The following DAB2IP variants were observed in gnomAD, a reference collection of about 807,000 sequenced individuals.
The protein encoded by DAB2IP is DAB2 interacting protein.
A neutral mutation model predicts 107.2 loss-of-function variants in DAB2IP; 28 were observed. That is an observed-to-expected ratio of 0.26 (90% CI 0.19 to 0.36). The LOEUF (loss-of-function observed/expected upper bound fraction) is 0.36. Among genes scored for constraint, DAB2IP ranks in the 10% least tolerant of loss-of-function variants. The probability of loss-of-function intolerance (pLI) is 1.00; values close to 1 mark genes in which losing one functional copy is unlikely to be tolerated. For missense variants in DAB2IP, 1,400 were observed against 1,644.7 expected, an observed-to-expected ratio of 0.85 and a Z score of 2.57; for synonymous variants, 755 against 706.4, an observed-to-expected ratio of 1.07 and a Z score of -1.09.
intron 3 of DAB2IP, among the ~76,000 whole-genome samples, chr9:121,709,612 G>T (rs1374200824): frequency 6.6e-6 from 1 of 152,150 alleles, no homozygotes; most frequent in Non-Finnish European, 1.5e-5. Context: ...TATTATGTAA[G>T]GCCCCCTGTC....
intron 1 of DAB2IP, among the ~76,000 whole-genome samples, chr9:121,660,661 G>A (rs978030742): frequency 6.6e-6 from 1 of 152,188 alleles, no homozygotes; most frequent in African/African-American, 2.4e-5. Flanking sequence ...AGGACTGTAA[G>A]GGCATTGCAG....
In DAB2IP at chr9:121,748,737, A is replaced by G. The variant is rs556742170; in HGVS notation, c.363-8276A>G. On this transcript the variant is annotated intron_variant, in intron 3 of 15. Transcript: ENST00000408936. The stretch of plus-strand genomic sequence containing the variant: ...ACAGTGTCATTCATTTAGTCAGCCT[A>G]TATTGGGCACCACGGGACACCAGGC... Among the ~76,000 whole-genome samples, 7 of 152,316 alleles carry G rather than the reference A, an allele frequency of 4.6e-5. No homozygotes were observed. In the East Asian group the frequency reaches 9.7e-4, roughly 21 times the overall value.
At position 121,662,641 on chromosome 9, in the gene DAB2IP, C is replaced by A. The variant is rs144763150; in HGVS notation, c.124+10742C>A. On this transcript the variant is annotated intron_variant, in intron 1 of 15. Coordinates refer to ENST00000408936, the Ensembl canonical transcript of DAB2IP. This position sits in a 1 kb window ranked among gnomAD's most constrained non-coding sequence, Gnocchi z 4.6. ...AAGTTTGCTGACGCCCAAGATACAG[C>A]TAAAGCCACCTACTCTCTCTCCAGG... is the stretch of plus-strand genomic sequence containing the variant. 6.6e-6 allele frequency among the ~76,000 whole-genome samples: 1 copy of A among 152,348 alleles called. No individual in the cohort carries two copies. The highest frequency in any genetic ancestry group is 1.5e-5 in the Non-Finnish European group (1 of 68,034).
intron 1 of DAB2IP, among the ~76,000 whole-genome samples, chr9:121,575,574 C>T (rs991721074): frequency 2.0e-5 from 3 of 152,134 alleles, no homozygotes; most frequent in Non-Finnish European, 4.4e-5. Context: ...AGTAATGTGG[C>T]CTGACTCATG....
At chr9:121,727,333 T>C (rs1437344273) in intron 3 of DAB2IP, among the ~76,000 whole-genome samples, 1 of 152,266 alleles carries the variant, frequency 6.6e-6, no homozygotes, top group Non-Finnish European at 1.5e-5. Flanking sequence ...TTTCCCTCTC[T>C]GTCAAATGGG....
At chr9:121,631,507 A>G (rs1032219271) in intron 1 of DAB2IP, among the ~76,000 whole-genome samples, 11 of 152,048 alleles carry the variant, frequency 7.2e-5, no homozygotes, top group African/African-American at 2.7e-4. Context: ...TGGGAATGGA[A>G]GTCCTGAATG....
chr9:121,711,737 C>A lies in DAB2IP; in HGVS notation c.362+12279C>A, dbSNP rs1830344277. ...AAAAGTCATCCTAGGTCCTCAATAT[C>A]ATTCCTCAAAGCAGCTACCAGCTCT... On this transcript the variant is annotated intron_variant, in intron 3 of 15. Coordinates refer to ENST00000408936, the Ensembl canonical transcript of DAB2IP. 2.6e-5 allele frequency among the ~76,000 whole-genome samples: 4 copies of A among 152,316 alleles called. No individual in the cohort carries two copies. The South Asian group carries it at 8.3e-4, about 32-fold the overall frequency.
intron 10 of DAB2IP, among the ~76,000 whole-genome samples, chr9:121,769,428 T>G (rs1834536453): frequency 1.3e-5 from 2 of 152,350 alleles, no homozygotes; most frequent in South Asian, 4.1e-4. Context: ...AGCAAGAACA[T>G]ACTGTGTATG....
At chr9:121,680,885 G>C (rs1828560620) in intron 2 of DAB2IP, among the ~76,000 whole-genome samples, 1 of 151,940 alleles carries the variant, frequency 6.6e-6, no homozygotes, top group Admixed American at 6.6e-5. Flanking sequence ...TGGGATTACA[G>C]GAGCCTGCCA....
At chr9:121,765,750 A>C (rs1215194913) in intron 8 of DAB2IP, among the ~76,000 whole-genome samples, 3 of 152,184 alleles carry the variant, frequency 2.0e-5, no homozygotes, top group Non-Finnish European at 4.4e-5. Context: ...TAGGAAACCC[A>C]CTTAAGGGTT....
intron 1 of DAB2IP, among the ~76,000 whole-genome samples, chr9:121,642,514 A>G (rs1589443386): frequency 7.6e-6 from 1 of 131,518 alleles, no homozygotes; most frequent in Non-Finnish European, 1.6e-5. Flanking sequence ...TTGTAGAGAC[A>G]GGGTCTCACT....
intron 2 of DAB2IP, among the ~76,000 whole-genome samples, chr9:121,692,287 G>A (rs545268306): frequency 6.6e-6 from 1 of 152,292 alleles, no homozygotes; most frequent in South Asian, 2.1e-4. Context: ...GTATTCGTGT[G>A]TGTGCTGATC....
rs1251915603 is a variant in DAB2IP, at chr9:121,766,748, C to T, written c.1697+18C>T. 1.2e-6 allele frequency: 2 copies of T among 1,612,924 alleles called. No individual in the cohort carries two copies. The highest frequency in any genetic ancestry group is 2.2e-5 in the East Asian group (1 of 44,872). Reference sequence around the variant, plus strand: ...TTTGCCAAGTGAGTGCCTCCTCCCTCACCAGGCAGAGTTGGGCAGGGCTGG... The same window carrying T: ...TTTGCCAAGTGAGTGCCTCCTCCCTTACCAGGCAGAGTTGGGCAGGGCTGG... On this transcript the variant is annotated intron_variant, in intron 9 of 15. Transcript: ENST00000408936.
intron 1 of DAB2IP, among the ~76,000 whole-genome samples, chr9:121,610,074 G>T (rs1275245617): frequency 6.6e-6 from 1 of 152,174 alleles, no homozygotes; most frequent in Non-Finnish European, 1.5e-5. Flanking sequence ...GTGTGTGTGT[G>T]TGTGTATAAG....
intron 1 of DAB2IP, among the ~76,000 whole-genome samples, chr9:121,591,560 T>C (rs148256174): frequency 5.4e-4 from 82 of 152,214 alleles, no homozygotes; most frequent in African/African-American, 1.5e-3. Flanking sequence ...CAAGAAACCA[T>C]TGAAGCTTTG....
intron 2 of DAB2IP, among the ~76,000 whole-genome samples, chr9:121,682,303 G>A (rs1447205177): frequency 6.6e-6 from 1 of 152,226 alleles, no homozygotes; most frequent in East Asian, 1.9e-4. Context: ...AGGATGTACT[G>A]GAATAACTGC....
intron 1 of DAB2IP, among the ~76,000 whole-genome samples, chr9:121,640,035 G>C (rs907119040): frequency 6.6e-6 from 1 of 152,194 alleles, no homozygotes; most frequent in Non-Finnish European, 1.5e-5. Flanking sequence ...CTTGCATCAG[G>C]GGAACAGGGG....
chr9:121,577,238 C>T (rs957171673), intron 1 of DAB2IP, among the ~76,000 whole-genome samples: 22 of 152,158 alleles, frequency 1.4e-4, no homozygotes, highest in African/African-American at 5.3e-4. Flanking sequence ...GAAAAGAAAA[C>T]ACAAGCCTGA....
At chr9:121,658,288 A>G (rs755330541) in intron 1 of DAB2IP, among the ~76,000 whole-genome samples, 3 of 152,198 alleles carry the variant, frequency 2.0e-5, no homozygotes, top group Non-Finnish European at 4.4e-5. Flanking sequence ...CAGGAAAGGG[A>G]GAGTATTTCC....
Sources: allele counts gnomAD v4.1 joint callset (sites outside exome capture counted in the v4.1 genomes callset), GRCh38; gene constraint gnomAD v4.1.1; non-coding constraint Gnocchi (gnomAD v3.1); transcripts MANE v1.5; gene names NCBI Gene and HGNC (gene_info 2026-07-23, HGNC 2026-07-21).